Variants in SAMD5 observed in about 807,000 individuals in gnomAD.
The protein encoded by SAMD5 is sterile alpha motif domain containing 5.
SAMD5 carries 13 observed loss-of-function variants against 11.3 expected under a neutral mutation model. The ratio of observed to expected loss-of-function variants is 1.15; its 90% confidence interval spans 0.75 to 1.83. The LOEUF is 1.83. SAMD5 is among the 40% of genes most tolerant of loss of function. The pLI, the probability that SAMD5 is intolerant of heterozygous loss-of-function variation, is 0.00. For missense variants in SAMD5, 255 were observed against 239.1 expected (o/e 1.07, Z -0.44); for synonymous variants, 129 against 111.3 (o/e 1.16, Z -1.00).
chr6:147,771,983 C>T, the SAMD5 span, among the ~76,000 whole-genome samples: 1 of 152,108 alleles, frequency 6.6e-6, no homozygotes, highest in Non-Finnish European at 1.5e-5. Context: ...TGGATTTAGA[C>T]ACTTGAAAGT....
At chr6:147,787,343 C>G in the SAMD5 span, among the ~76,000 whole-genome samples, 252 of 152,214 alleles carry the variant, frequency 1.7e-3, 1 homozygote, top group African/African-American at 5.9e-3. Flanking sequence ...CTCTCACCTG[C>G]GGTAGTCACG....
chr6:147,732,296 T>A (rs1791727119), intron 1 of SAMD5, among the ~76,000 whole-genome samples: 1 of 152,174 alleles, frequency 6.6e-6, no homozygotes, highest in African/African-American at 2.4e-5. Context: ...CTTGAAAATC[T>A]TCCTCATATA....
At chr6:147,516,858 T>A (rs945197808) in intron 1 of SAMD5, among the ~76,000 whole-genome samples, 1 of 152,124 alleles carries the variant, frequency 6.6e-6, no homozygotes, top group African/African-American at 2.4e-5. Flanking sequence ...AGCTTTGGGG[T>A]CACTCAGTAA....
chr6:147,537,482 G>A (rs1788527406), intron 1 of SAMD5, among the ~76,000 whole-genome samples: 1 of 152,180 alleles, frequency 6.6e-6, no homozygotes, highest in Non-Finnish European at 1.5e-5. Flanking sequence ...GCTGGGCGCG[G>A]TGGCTCAAGC....
chr6:147,710,865 C>T (rs542635067), intron 1 of SAMD5, among the ~76,000 whole-genome samples: 9 of 151,974 alleles, frequency 5.9e-5, no homozygotes, highest in East Asian at 1.9e-4. Flanking sequence ...TCTCCTGCAC[C>T]GGATAGTAAG....
chr6:147,514,014 G>A (rs1450369599), intron 1 of SAMD5, among the ~76,000 whole-genome samples: 1 of 152,176 alleles, frequency 6.6e-6, no homozygotes, highest in Non-Finnish European at 1.5e-5. Context: ...GAGGAGGAAG[G>A]GAGACTTTGT....
At chr6:147,708,533 C>T (rs1221220516) in intron 1 of SAMD5, among the ~76,000 whole-genome samples, 7 of 152,132 alleles carry the variant, frequency 4.6e-5, no homozygotes, top group Admixed American at 6.5e-5. Context: ...CATAAAGACA[C>T]TCAGCAAATG....
At chr6:147,766,704 T>C in the SAMD5 span, among the ~76,000 whole-genome samples, 11 of 152,232 alleles carry the variant, frequency 7.2e-5, no homozygotes, top group African/African-American at 2.4e-4. Flanking sequence ...GAAAGATACA[T>C]ATATGGGATT....
chr6:147,799,835 A>T, the SAMD5 span, among the ~76,000 whole-genome samples: 2 of 151,946 alleles, frequency 1.3e-5, no homozygotes, highest in African/African-American at 4.8e-5. Flanking sequence ...TCCACTGCTG[A>T]TACCCTTTCT....
At position 147,692,761 on chromosome 6, in the gene SAMD5, CT is replaced by C. The variant is rs371759518; in HGVS notation, c.163-44552del. On this transcript the variant is annotated intron_variant, in intron 1 of 1. Transcript: ENST00000566741. ...TAGGCAACAGCCAGAATGTTGGGGC[CT>C]TTTGCGATTCTGATCCACTAATAAG... Among the ~76,000 whole-genome samples the C allele has an allele frequency of 3.7e-4, 56 of 152,216 alleles. No homozygotes were observed. In the South Asian group the frequency reaches 0.012, roughly 32 times the overall value.
At chr6:147,633,612 C>T (rs1448297513) in intron 1 of SAMD5, among the ~76,000 whole-genome samples, 1 of 151,652 alleles carries the variant, frequency 6.6e-6, no homozygotes, top group Non-Finnish European at 1.5e-5. Context: ...TGGAGACCAA[C>T]ATACAACATA....
chr6:147,669,935 G>T (rs1419682304), intron 1 of SAMD5, among the ~76,000 whole-genome samples: 1 of 152,076 alleles, frequency 6.6e-6, no homozygotes, highest in Non-Finnish European at 1.5e-5. Context: ...CCTTCCAAAA[G>T]GTTTCAATTT....
chr6:147,628,835 T>G (rs954287830), intron 1 of SAMD5, among the ~76,000 whole-genome samples: 1 of 152,158 alleles, frequency 6.6e-6, no homozygotes, highest in Non-Finnish European at 1.5e-5. Context: ...CATCTTTGGT[T>G]GGGTTCATAA....
Position 147,679,139 on chromosome 6 carries a change from A to G in SAMD5, c.163-58178A>G, listed in dbSNP as rs78254158. ...AATAAATCTATGAATATTTATGTAC[A>G]CATTTTTATAAGATCACATTTTACC... On this transcript the variant is annotated intron_variant, in intron 1 of 1. Transcript: ENST00000566741. Among the ~76,000 whole-genome samples the G allele has an allele frequency of 1.9e-3, 283 of 152,242 alleles. 5 individuals are homozygous for G. The East Asian group carries it at 0.042, about 22-fold the overall frequency.
the SAMD5 span, among the ~76,000 whole-genome samples, chr6:147,764,841 A>G: frequency 0.012 from 1,754 of 152,288 alleles, 32 homozygotes; most frequent in African/African-American, 0.041. Context: ...TCATGTAACC[A>G]TGTCCATTAA....
chr6:147,820,615 C>G, the SAMD5 span, among the ~76,000 whole-genome samples: 2 of 151,280 alleles, frequency 1.3e-5, no homozygotes, highest in African/African-American at 4.9e-5. Flanking sequence ...CCGTAGGAGA[C>G]CATAGTAGTC....
chr6:147,734,990 A>G (rs1009358108), intron 1 of SAMD5, among the ~76,000 whole-genome samples: 3 of 152,174 alleles, frequency 2.0e-5, no homozygotes, highest in African/African-American at 7.2e-5. Context: ...TAAACCACGT[A>G]ATTTTTGTTT....
At chr6:147,810,970 T>C in the SAMD5 span, among the ~76,000 whole-genome samples, 1 of 152,186 alleles carries the variant, frequency 6.6e-6, no homozygotes, top group African/African-American at 2.4e-5. Context: ...AGTGAGAACA[T>C]GTTAAGTGCC....
chr6:147,902,510 A>G, the SAMD5 span, among the ~76,000 whole-genome samples: 1 of 152,182 alleles, frequency 6.6e-6, no homozygotes, highest in Non-Finnish European at 1.5e-5. Flanking sequence ...TGGGAGCCTT[A>G]CTTTTTCTCA....
Sources: gnomAD v4.1 joint callset for allele counts (sites outside exome capture counted in the v4.1 genomes callset) on GRCh38, gnomAD v4.1.1 for gene constraint, MANE v1.5 for transcripts, NCBI Gene and HGNC (gene_info 2026-07-23, HGNC 2026-07-21) for gene names.